Variants in DHRS11 observed in about 807,000 individuals in gnomAD.
DHRS11 encodes dehydrogenase/reductase 11.
A neutral mutation model predicts 30.7 loss-of-function variants in DHRS11; 18 were observed. The ratio of observed to expected loss-of-function variants is 0.59; its 90% CI spans 0.41 to 0.87. DHRS11 has a LOEUF of 0.87. Among genes scored for constraint, DHRS11 ranks in the 40% least tolerant of loss-of-function variants. The pLI, the probability that DHRS11 is intolerant of heterozygous loss-of-function variation, is 0.00. For synonymous variants in DHRS11, 123 were observed against 139.6 expected (o/e 0.88, Z 0.84); for missense variants, 300 against 349.0 (o/e 0.86, Z 1.12).
chr17:36,598,332 G>A, intron 3 of DHRS11, 75 bp downstream of exon 3: 1 of 1,356,538 alleles, frequency 7.4e-7, no homozygotes, highest in South Asian at 1.2e-5. Flanking sequence ...TGACCTCTTT[G>A]GACCTCAGTT....
intron 4 of DHRS11, 53 bp from the exon 5 acceptor site, chr17:36,599,618 C>T (rs1405366786): frequency 8.8e-6 from 14 of 1,597,316 alleles, no homozygotes; most frequent in Admixed American, 1.7e-5. Flanking sequence ...CCCTCGACCT[C>T]CCCAAGACCT....
chr17:36,597,272 G>A (rs577191665), intron 2 of DHRS11: 53 of 170,102 alleles, frequency 3.1e-4, no homozygotes, highest in Admixed American at 2.4e-3. Flanking sequence ...AAGGTGTTCT[G>A]TTCCTCATGG....
chr17:36,592,180 A>G lies in DHRS11; in HGVS notation c.147+24A>G. On this transcript the variant is annotated intron_variant, in intron 1 of 6. Coordinates refer to ENST00000618403, the MANE Select transcript of DHRS11 (RefSeq NM_024308.4). The surrounding 1 kb of genome is among the most constrained non-coding windows in gnomAD (Gnocchi z 4.4). ...AGGTGAGGCCGGGCCGAGGGCGGGGACGTCGCGGGCGGGTCGTTTCCCCGG... is the reference window on the plus strand; with the variant it reads ...AGGTGAGGCCGGGCCGAGGGCGGGGGCGTCGCGGGCGGGTCGTTTCCCCGG... 1 of 1,263,186 alleles carries G rather than the reference A, an allele frequency of 7.9e-7. No individual in the cohort carries two copies. Among genetic ancestry groups the G allele is most frequent in the Non-Finnish European group, 1.0e-6 (1 of 1,004,830 alleles). 78.2% of individuals were successfully genotyped at this position (1,263,186 alleles called of 1,614,324 possible).
At chr17:36,598,080 C>A in intron 2 of DHRS11, 83 bp from the exon 3 acceptor site, 1 of 1,418,232 alleles carries the variant, frequency 7.1e-7, no homozygotes, top group Non-Finnish European at 9.9e-7. Context: ...ACACTGCCCC[C>A]TTCCCCCCTA....
chr17:36,594,780 C>T (rs2074795644), intron 1 of DHRS11, 191 bp from the exon 2 acceptor site: 2 of 614,970 alleles, frequency 3.3e-6, no homozygotes, highest in Admixed American at 2.8e-5. Context: ...ACTCGGGGAG[C>T]ACTGTCATCC....
chr17:36,597,119 T>G, intron 2 of DHRS11: 1 of 280,474 alleles, frequency 3.6e-6, no homozygotes, highest in South Asian at 3.5e-5. Flanking sequence ...GGGGATCTAT[T>G]TCTCCCACTC....
chr17:36,600,102 G>A, intron 6 of DHRS11, 60 bp from the exon 7 acceptor site: 1 of 1,613,884 alleles, frequency 6.2e-7, no homozygotes, highest in Non-Finnish European at 8.5e-7. Context: ...AGGGGAGCAG[G>A]GAGCCCTGCA....
chr17:36,594,695 A>T (rs1265211491), intron 1 of DHRS11: 2 of 555,574 alleles, frequency 3.6e-6, no homozygotes, highest in African/African-American at 3.8e-5. Flanking sequence ...GATTACAGGC[A>T]TGAGCCACCA....
chr17:36,597,507 AG>A (rs2074820661), intron 2 of DHRS11: 1 of 155,794 alleles, frequency 6.4e-6, no homozygotes, highest in Non-Finnish European at 1.4e-5. Flanking sequence ...CCTCTGCCAG[AG>A]GGAGTAGGAG....
At position 36,595,242 on chromosome 17, in the gene DHRS11, G is replaced by A; in HGVS notation, c.357+62G>A. 1.9e-6 allele frequency: 3 copies of A among 1,590,588 alleles called. No homozygotes were observed. In the South Asian group the frequency reaches 3.3e-5, roughly 18 times the overall value. On this transcript the variant is annotated intron_variant, in intron 2 of 6. Coordinates refer to ENST00000618403, the MANE Select transcript of DHRS11 (RefSeq NM_024308.4). ...TGGGGAGGAGAGAGGGGAGCCAGGG[G>A]TTTGTGAACCAGAGTGCTGCTGGGG...
chr17:36,592,068 C>T lies in DHRS11; in HGVS notation c.59C>T (p.Ser20Leu). The stretch of plus-strand genomic sequence containing the variant: ...CGGCTGGCGCTGGTGACGGGGGCCT[C>T]GGGGGGCATCGGCGCGGCCGTGGCC... ...RDRLALVTGA[S>L]GGIGAAVARA... The change falls in exon 1 of 7, where the codon TCG becomes TTG. Residue 20 changes from serine to leucine, a missense_variant. Transcript: ENST00000618403. The surrounding 1 kb of genome is among the most constrained non-coding windows in gnomAD (Gnocchi z 4.4). 2.4e-6 allele frequency: 3 copies of T among 1,238,860 alleles called. No homozygotes were observed. The highest frequency in any genetic ancestry group is 2.0e-6 in the Non-Finnish European group (2 of 990,822). The allele number at this position is 1,238,860 out of a possible 1,614,324, so 76.7% of individuals were successfully genotyped here.
intron 2 of DHRS11, chr17:36,596,921 C>T: frequency 2.1e-6 from 1 of 470,506 alleles, no homozygotes; most frequent in Admixed American, 2.4e-5. Context: ...TGGTCCTCAC[C>T]CACAGCACAT....
Position 36,600,633 on chromosome 17 carries a change from A to C in DHRS11, c.*430A>C, listed in dbSNP as rs369650546. ...CCAGACTTCCTCCTCTGCCTGCCCC[A>C]CTGCACCCTCTCCCCCTTATCTATC... is the stretch of plus-strand genomic sequence containing the variant. On this transcript the variant is annotated 3_prime_UTR_variant, in exon 7 of 7. Transcript: ENST00000618403. 13 of 258,148 alleles carry C rather than the reference A, an allele frequency of 5.0e-5. No homozygotes were observed. The East Asian group carries it at 6.5e-4, about 13-fold the overall frequency. 16.0% of individuals were successfully genotyped at this position (258,148 alleles called of 1,614,324 possible).
intron 2 of DHRS11, among the ~76,000 whole-genome samples, chr17:36,596,000 C>A (rs1194612660): frequency 6.6e-6 from 1 of 152,106 alleles, no homozygotes; most frequent in African/African-American, 2.4e-5. Flanking sequence ...TCATCAATAT[C>A]TGGGGTCACA....
chr17:36,598,872 C>A (rs1168211758), intron 3 of DHRS11, 49 bp from the exon 4 acceptor site: 1 of 1,568,008 alleles, frequency 6.4e-7, no homozygotes, highest in South Asian at 1.2e-5. Context: ...CACCACTGGT[C>A]TCCCTGGAAC....
chr17:36,592,200 C>A lies in DHRS11; in HGVS notation c.147+44C>A, dbSNP rs760557042. On this transcript the variant is annotated intron_variant, in intron 1 of 6. Coordinates refer to ENST00000618403, the MANE Select transcript of DHRS11 (RefSeq NM_024308.4). The surrounding 1 kb of genome is among the most constrained non-coding windows in gnomAD (Gnocchi z 4.4). The stretch of plus-strand genomic sequence containing the variant: ...CGGGGACGTCGCGGGCGGGTCGTTT[C>A]CCCGGAGTCGGGTTCACCTGCCCGC... 1.8e-5 allele frequency: 22 copies of A among 1,247,270 alleles called. No homozygotes were observed. The highest frequency in any genetic ancestry group is 2.2e-5 in the Non-Finnish European group (22 of 996,092). 77.3% of individuals were successfully genotyped at this position (1,247,270 alleles called of 1,614,324 possible).
intron 1 of DHRS11, among the ~76,000 whole-genome samples, chr17:36,593,591 ACTC>A (rs1304249226): frequency 1.3e-5 from 2 of 151,756 alleles, no homozygotes. Context: ...TACAGAGAAA[ACTC>A]CTGTTTCCTG....
At position 36,592,231 on chromosome 17, in the gene DHRS11, C is replaced by CG; in HGVS notation, c.147+79dup. 4 of 1,230,216 alleles carry CG rather than the reference C, an allele frequency of 3.3e-6. No individual in the cohort carries two copies. Among genetic ancestry groups the CG allele is most frequent in the Non-Finnish European group, 4.1e-6 (4 of 985,638 alleles). The allele number at this position is 1,230,216 out of a possible 1,614,324, so 76.2% of individuals were successfully genotyped here. On this transcript the variant is annotated intron_variant, in intron 1 of 6. Coordinates refer to ENST00000618403, the MANE Select transcript of DHRS11 (RefSeq NM_024308.4). The surrounding 1 kb of genome is among the most constrained non-coding windows in gnomAD (Gnocchi z 4.4). ...AGTCGGGTTCACCTGCCCGCCACGCCGGGGCCCTTTGCTCTAGTCGGGGCG... is the reference window on the plus strand; with the variant it reads ...AGTCGGGTTCACCTGCCCGCCACGCCGGGGGCCCTTTGCTCTAGTCGGGGCG...
chr17:36,598,995 T>C lies in DHRS11; in HGVS notation c.527T>C (p.Leu176Pro), dbSNP rs764501467. 4 of 1,613,352 alleles carry C rather than the reference T, an allele frequency of 2.5e-6. No homozygotes were observed. In the East Asian group the frequency reaches 6.7e-5, roughly 27 times the overall value. The change falls in exon 4 of 7, where the codon CTG becomes CCG. Residue 176 changes from leucine (L) to proline (P), a missense_variant. Coordinates refer to ENST00000618403, the MANE Select transcript of DHRS11 (RefSeq NM_024308.4). ...GCCACCAAGTATGCCGTCACTGCGC[T>C]GACAGAGGGACTGAGGCAAGAGCTT... ...YSATKYAVTA[L>P]TEGLRQELRE...
Sources: allele counts gnomAD v4.1 joint callset (sites outside exome capture counted in the v4.1 genomes callset), GRCh38; gene constraint gnomAD v4.1.1; non-coding constraint Gnocchi (gnomAD v3.1); transcripts MANE v1.5; gene names NCBI Gene and HGNC (gene_info 2026-07-23, HGNC 2026-07-21).